The following STEAP4 variants were observed in gnomAD, a reference collection of about 807,000 sequenced individuals.
STEAP4 encodes STEAP4 metalloreductase.
In STEAP4, 36 loss-of-function variants were observed where a neutral mutation model predicts 43.6. The ratio of observed to expected loss-of-function variants is 0.83; its 90% CI spans 0.63 to 1.09. The LOEUF (loss-of-function observed/expected upper bound fraction) is 1.09. Among genes scored for constraint, STEAP4 ranks in the 50% least tolerant of loss-of-function variants. The pLI is 0.00. For synonymous variants in STEAP4, 191 were observed against 196.7 expected (o/e 0.97, Z 0.24); for missense variants, 495 against 546.5 (o/e 0.91, Z 0.94).
intron 3 of STEAP4, 79 bp from the exon 4 acceptor site, chr7:88,281,158 G>A (rs1167258873): frequency 4.2e-6 from 5 of 1,202,406 alleles, no homozygotes; most frequent in South Asian, 4.8e-5. Context: ...TTGACAGTGG[G>A]CACAAATTAT....
rs1852675743 is a variant in STEAP4, at chr7:88,283,891, C to T, written c.379G>A (p.Gly127Arg). Residue 127 changes from glycine (G) to arginine (R), a missense_variant, in exon 2 of 5, where the codon GGA becomes AGA. Coordinates refer to ENST00000380079, the MANE Select transcript of STEAP4 (RefSeq NM_024636.4). ...NAEYLAHLVP[G>R]AHVVKAFNTI... is the part of the protein sequence containing the mutation. ...TTAAATGCTTTTACCACGTGGGCTC[C>T]TGGCACCAAATGAGCAAGGTACTCT... is the stretch of plus-strand genomic sequence containing the variant. The T allele has an allele frequency of 6.2e-7, 1 of 1,614,160 alleles. No individual in the cohort carries two copies.
chr7:88,282,795 C>T lies in STEAP4; in HGVS notation c.830G>A (p.Arg277His), dbSNP rs116270469. ...GTGGTCAAGCCAGTCTGGGAATCGA[C>T]GGTATTTTGTGCCTCGGTACAGTTG... ...ILQLYRGTKY[R>H]RFPDWLDHWM... is the part of the protein sequence containing the mutation. The change falls in exon 3 of 5, where the codon CGT (arginine) becomes CAT (histidine). Residue 277 changes from arginine to histidine, a missense_variant. Coordinates refer to ENST00000380079, the MANE Select transcript of STEAP4 (RefSeq NM_024636.4). 1,681 of 1,614,106 alleles carry T rather than the reference C, an allele frequency of 1.0e-3. 15 individuals are homozygous for T. In the African/African-American group the frequency reaches 0.018, roughly 17 times the overall value.
At chr7:88,302,711 C>T (rs536734013) in intron 1 of STEAP4, among the ~76,000 whole-genome samples, 36 of 151,836 alleles carry the variant, frequency 2.4e-4, no homozygotes, top group African/African-American at 2.9e-4. Context: ...CCCAGCACTT[C>T]GGGAGGCCAA....
chr7:88,287,061 G>T (rs1433022821), intron 1 of STEAP4, among the ~76,000 whole-genome samples: 1 of 152,154 alleles, frequency 6.6e-6, no homozygotes, highest in Non-Finnish European at 1.5e-5. Flanking sequence ...CACCTCCAGA[G>T]AGGCCAATAA....
intron 2 of STEAP4, chr7:88,283,566 C>T: frequency 1.8e-6 from 1 of 559,072 alleles, no homozygotes; most frequent in Non-Finnish European, 3.1e-6. Flanking sequence ...CTAGTACTGA[C>T]AAGAAGCCTC....
chr7:88,276,319 A>C lies in STEAP4; in HGVS notation c.*3079T>G, dbSNP rs956137335. 6.6e-5 allele frequency: 10 copies of C among 152,330 alleles called. No individual in the cohort carries two copies. The highest frequency in any genetic ancestry group is 2.2e-4 in the African/African-American group (9 of 41,562). 9.4% of individuals were successfully genotyped at this position (152,330 alleles called of 1,614,324 possible). A position where few individuals can be genotyped will look rare whatever the true frequency, so the allele number is the denominator to read the frequency against. On this transcript the variant is annotated 3_prime_UTR_variant, in exon 5 of 5. Coordinates refer to ENST00000380079, the MANE Select transcript of STEAP4 (RefSeq NM_024636.4). ...TGCCTTCTCTTTTGCTTATCCCTGA[A>C]GGGAAGTATTTTTAGTCCCAGATGC...
Position 88,275,702 on chromosome 7 carries a change from A to G in STEAP4, c.*3696T>C, listed in dbSNP as rs1442217308. ...AATGAAAATTGCAACTACTGTGTGC[A>G]GTACCATGACTGCCATTACACCTTA... On this transcript the variant is annotated 3_prime_UTR_variant, in exon 5 of 5. Transcript: ENST00000380079. 1.3e-5 allele frequency: 2 copies of G among 151,976 alleles called. No individual in the cohort carries two copies. The highest frequency in any genetic ancestry group is 1.3e-4 in the Admixed American group (2 of 15,240). The allele number at this position is 151,976 out of a possible 1,614,324, so 9.4% of individuals were successfully genotyped here. A position where few individuals can be genotyped will look rare whatever the true frequency, so the allele number is the denominator to read the frequency against.
chr7:88,278,306 T>G lies in STEAP4; in HGVS notation c.*1092A>C, dbSNP rs768821907. The G allele has an allele frequency of 6.6e-6, 1 of 152,190 alleles. No individual in the cohort carries two copies. The highest frequency in any genetic ancestry group is 1.5e-5 in the Non-Finnish European group (1 of 68,036). 9.4% of individuals were successfully genotyped at this position (152,190 alleles called of 1,614,324 possible). A position where few individuals can be genotyped will look rare whatever the true frequency, so the allele number is the denominator to read the frequency against. On this transcript the variant is annotated 3_prime_UTR_variant, in exon 5 of 5. Transcript: ENST00000380079. The stretch of plus-strand genomic sequence containing the variant: ...CCAAATTTCACATAATGATGAATCT[T>G]CACACCTCTCTGCCCTATGATTTTC...
At position 88,279,309 on chromosome 7, in the gene STEAP4, A is replaced by T. The variant is rs1192835920; in HGVS notation, c.*89T>A. On this transcript the variant is annotated 3_prime_UTR_variant, in exon 5 of 5. Transcript: ENST00000380079. ...AAAAACTTTCCTAACTGTACCCATCATTCTTCTTTAAACATTCAAAACCAT... is the reference window on the plus strand; with the variant it reads ...AAAAACTTTCCTAACTGTACCCATCTTTCTTCTTTAAACATTCAAAACCAT... The T allele has an allele frequency of 7.8e-7, 1 of 1,278,282 alleles. No individual in the cohort carries two copies. Among genetic ancestry groups the T allele is most frequent in the Non-Finnish European group, 1.1e-6 (1 of 904,852 alleles). The allele number at this position is 1,278,282 out of a possible 1,614,324, so 79.2% of individuals were successfully genotyped here. A position where few individuals can be genotyped will look rare whatever the true frequency, so the allele number is the denominator to read the frequency against.
intron 1 of STEAP4, among the ~76,000 whole-genome samples, chr7:88,298,998 A>G (rs1343513194): frequency 6.6e-6 from 1 of 152,222 alleles, no homozygotes; most frequent in Non-Finnish European, 1.5e-5. Flanking sequence ...TGTTCTATAG[A>G]GATGTATCCT....
rs747870949 is a variant in STEAP4, at chr7:88,283,016, G to A, written c.609C>T (p.Pro203=). ...CACACAGCACAGCAGACAAATAGAA[G>A]GGGAACCTCCACATTGGAAATAGCT... ...PLQLFPMWRF[P]FYLSAVLCVF... Residue 203 remains proline, a synonymous_variant, in exon 3 of 5, where the codon CCC becomes CCT. Transcript: ENST00000380079. The A allele has an allele frequency of 3.1e-6, 5 of 1,613,790 alleles. No individual in the cohort carries two copies. Among genetic ancestry groups the A allele is most frequent in the East Asian group, 4.5e-5 (2 of 44,876 alleles).
chr7:88,296,131 G>C (rs2116007969), intron 1 of STEAP4, among the ~76,000 whole-genome samples: 1 of 152,238 alleles, frequency 6.6e-6, no homozygotes. Context: ...ATTATAATTT[G>C]ATCAGATCTA....
chr7:88,300,734 A>C (rs999054565), intron 1 of STEAP4, among the ~76,000 whole-genome samples: 5 of 151,906 alleles, frequency 3.3e-5, no homozygotes, highest in African/African-American at 4.8e-5. Context: ...TGCTTCTTTT[A>C]CCCTTTTCCC....
intron 1 of STEAP4, among the ~76,000 whole-genome samples, chr7:88,288,091 A>G (rs1852766426): frequency 1.3e-5 from 2 of 152,244 alleles, no homozygotes; most frequent in Non-Finnish European, 2.9e-5. Flanking sequence ...GGGCAACTCA[A>G]GAGTTACCTG....
rs550599715 is a variant in STEAP4 at position 88,273,405 on chromosome 7, A to G, written c.*5993T>C. On this transcript the variant is annotated 3_prime_UTR_variant, in exon 5 of 5. Coordinates refer to ENST00000380079, the MANE Select transcript of STEAP4 (RefSeq NM_024636.4). ...TTATCACAATCTGATACTTTTTGAT[A>G]TACAATACTGTGAGTTCCAGTCCAG... 3 of 152,330 alleles carry G rather than the reference A, an allele frequency of 2.0e-5. No individual in the cohort carries two copies. In the South Asian group the frequency reaches 6.2e-4, roughly 32 times the overall value. The allele number at this position is 152,330 out of a possible 1,614,324, so 9.4% of individuals were successfully genotyped here.
rs532534054 is a variant in STEAP4, at chr7:88,273,340, C to G, written c.*6058G>C. ...GGCTCCTTCAAAATCTGTTGACTTT[C>G]TAAAAATCATAAGGCCAAGTTTAAT... On this transcript the variant is annotated 3_prime_UTR_variant, in exon 5 of 5. Transcript: ENST00000380079. 3.9e-5 allele frequency: 6 copies of G among 152,228 alleles called. No homozygotes were observed. Among genetic ancestry groups the G allele is most frequent in the African/African-American group, 1.4e-4 (6 of 41,534 alleles). 9.4% of individuals were successfully genotyped at this position (152,228 alleles called of 1,614,324 possible).
intron 1 of STEAP4, chr7:88,290,264 T>C (rs1852813714): frequency 6.6e-6 from 1 of 152,224 alleles, no homozygotes; most frequent in South Asian, 2.1e-4. Context: ...GACTTCATGG[T>C]CCTATTTTTT....
intron 1 of STEAP4, among the ~76,000 whole-genome samples, chr7:88,295,448 T>C (rs1852908950): frequency 6.6e-6 from 1 of 152,178 alleles, no homozygotes; most frequent in African/African-American, 2.4e-5. Flanking sequence ...GCCCAGACTA[T>C]TGGAGAGTCT....
chr7:88,283,940 G>T lies in STEAP4; in HGVS notation c.330C>A (p.Ile110=). ...CTGCATTAGATTCTGGATATTGATT[G>T]ATTTTGAGGTTGTTGCTGATGTCTA... is the stretch of plus-strand genomic sequence containing the variant. The part of the protein sequence containing the change: ...ILVDISNNLK[I]NQYPESNAEY... The change falls in exon 2 of 5, where the codon ATC becomes ATA. Residue 110 remains isoleucine (I), a synonymous_variant. Transcript: ENST00000380079. 1.2e-6 allele frequency: 2 copies of T among 1,614,098 alleles called. No individual in the cohort carries two copies. The highest frequency in any genetic ancestry group is 1.1e-5 in the South Asian group (1 of 91,066).
Sources: allele counts gnomAD v4.1 joint callset (sites outside exome capture counted in the v4.1 genomes callset), GRCh38; gene constraint gnomAD v4.1.1; transcripts MANE v1.5; gene names NCBI Gene and HGNC (gene_info 2026-07-23, HGNC 2026-07-21).